GSG1L: variants seen among roughly 807,000 people sequenced by gnomAD.
GSG1L encodes germ cell-specific gene 1-like protein.
In GSG1L, 24 loss-of-function variants were observed where a neutral mutation model predicts 42.1. That is an observed-to-expected ratio of 0.57 (90% CI 0.41 to 0.80). The LOEUF (loss-of-function observed/expected upper bound fraction) is 0.80, where lower values mean the gene tolerates loss of function less well. Ranked by LOEUF, GSG1L falls within the 30% of genes least tolerant of loss-of-function variation. GSG1L has a pLI of 0.00. For synonymous variants in GSG1L, 215 were observed against 203.5 expected (o/e 1.06, Z -0.48); for missense variants, 445 against 472.2 (o/e 0.94, Z 0.53).
chr16:27,936,389 G>A (rs1427017877), intron 2 of GSG1L, among the ~76,000 whole-genome samples: 2 of 151,970 alleles, frequency 1.3e-5, no homozygotes, highest in Non-Finnish European at 2.9e-5. Flanking sequence ...TGGGACGAGG[G>A]TGGAAGTGAG....
intron 2 of GSG1L, among the ~76,000 whole-genome samples, chr16:27,898,756 CTT>C (rs1340774458): frequency 1.7e-4 from 26 of 151,888 alleles, no homozygotes; most frequent in Non-Finnish European, 3.2e-4. Flanking sequence ...CTCCCTCTCT[CTT>C]GGTACATGTG....
chr16:27,845,187 G>T, intron 3 of GSG1L, 126 bp from the exon 4 acceptor site: 1 of 592,658 alleles, frequency 1.7e-6, no homozygotes, highest in Non-Finnish European at 3.0e-6. Context: ...AGGGACCTCT[G>T]GGTAAGGGAG....
chr16:28,028,509 A>C (rs1379002966), intron 1 of GSG1L, among the ~76,000 whole-genome samples: 3 of 151,900 alleles, frequency 2.0e-5, no homozygotes, highest in African/African-American at 7.3e-5. Context: ...TAACAATATA[A>C]CAATAAGAAT....
intron 1 of GSG1L, among the ~76,000 whole-genome samples, chr16:27,984,265 G>T (rs974385310): frequency 6.6e-6 from 1 of 152,268 alleles, no homozygotes; most frequent in Non-Finnish European, 1.5e-5. Flanking sequence ...AGGTGGGTTT[G>T]CATAGGCCTG....
chr16:27,921,139 T>A (rs1197007407), intron 2 of GSG1L, among the ~76,000 whole-genome samples: 3 of 152,194 alleles, frequency 2.0e-5, no homozygotes, highest in African/African-American at 7.2e-5. Context: ...TCAGGCCTGA[T>A]GGTCAGCTAA....
chr16:27,929,332 G>T (rs1013616792), intron 2 of GSG1L, among the ~76,000 whole-genome samples: 2 of 152,142 alleles, frequency 1.3e-5, no homozygotes, highest in African/African-American at 4.8e-5. Context: ...CCCGGGGATG[G>T]TCACACAACC....
chr16:28,048,342 AT>A (rs1300028263), intron 1 of GSG1L, among the ~76,000 whole-genome samples: 2 of 152,310 alleles, frequency 1.3e-5, no homozygotes, highest in East Asian at 1.9e-4. Context: ...CGAAAAAAAA[AT>A]ATAAGGCAGA....
intron 2 of GSG1L, among the ~76,000 whole-genome samples, chr16:27,892,281 C>T (rs898052084): frequency 1.3e-5 from 2 of 151,846 alleles, no homozygotes; most frequent in African/African-American, 2.4e-5. Flanking sequence ...ATAGGGAGAC[C>T]TCATCTCTAC....
chr16:27,897,262 T>G (rs1237683580), intron 2 of GSG1L, among the ~76,000 whole-genome samples: 8 of 152,126 alleles, frequency 5.3e-5, no homozygotes, highest in Non-Finnish European at 5.9e-5. Context: ...TTGTGGAAAT[T>G]TGTTACATCA....
intron 3 of GSG1L, among the ~76,000 whole-genome samples, chr16:27,857,438 AAAAAG>A (rs2083593084): frequency 6.6e-6 from 1 of 150,994 alleles, no homozygotes; most frequent in Non-Finnish European, 1.5e-5. Context: ...AAAAAAAAAA[AAAAAG>A]AAAGAAAGGC....
chr16:27,959,142 G>T (rs907976945), intron 2 of GSG1L, among the ~76,000 whole-genome samples: 6 of 149,320 alleles, frequency 4.0e-5, no homozygotes, highest in African/African-American at 7.4e-5. Flanking sequence ...GTTGATTGGG[G>T]TTTCCTAGGT....
intron 6 of GSG1L, among the ~76,000 whole-genome samples, chr16:27,802,337 A>G (rs999315701): frequency 3.9e-5 from 6 of 152,166 alleles, no homozygotes; most frequent in Non-Finnish European, 8.8e-5. Flanking sequence ...CACGCATGCC[A>G]GCATCCAGCC....
intron 2 of GSG1L, among the ~76,000 whole-genome samples, chr16:27,919,805 A>T (rs541155336): frequency 6.6e-6 from 1 of 152,228 alleles, no homozygotes; most frequent in Non-Finnish European, 1.5e-5. Context: ...AGTCCATATC[A>T]TTGGATTTTC....
intron 5 of GSG1L, among the ~76,000 whole-genome samples, chr16:27,822,707 C>T (rs899907384): frequency 3.9e-5 from 6 of 152,234 alleles, no homozygotes; most frequent in African/African-American, 1.4e-4. Context: ...CGTGAGCCAC[C>T]GAGCCTGGCC....
chr16:28,057,087 G>A (rs1445234332), intron 1 of GSG1L, among the ~76,000 whole-genome samples: 1 of 152,196 alleles, frequency 6.6e-6, no homozygotes, highest in Non-Finnish European at 1.5e-5. Flanking sequence ...TGTGGGGGCA[G>A]AGAGGAGTGG....
In GSG1L at chr16:27,865,548, TATATATATATATATATATATATATACAC is replaced by T. The variant is rs1181206564; in HGVS notation, c.550+18910_550+18937del. Among the ~76,000 whole-genome samples the T allele has an allele frequency of 2.0e-3, 44 of 21,570 alleles. 2 individuals are homozygous for T. The highest frequency in any genetic ancestry group is 0.015 in the Middle Eastern group (1 of 66). The allele number at this position is 21,570 out of a possible 152,430, so 14.2% of individuals were successfully genotyped here. A position where few individuals can be genotyped will look rare whatever the true frequency, so the allele number is the denominator to read the frequency against. ...CTATATATATATATATATATATATA[TATATATATATATATATATATATATACAC>T]ACACACATACATACATACACACACA... is the stretch of plus-strand genomic sequence containing the variant. On this transcript the variant is annotated intron_variant, in intron 3 of 6. Transcript: ENST00000447459.
At chr16:27,834,483 G>GA (rs35119436) in intron 4 of GSG1L, among the ~76,000 whole-genome samples, 40,005 of 145,890 alleles carry the variant, frequency 0.27, 5,598 homozygotes, top group Admixed American at 0.41. Flanking sequence ...TCTATTTTCT[G>GA]AAAAAAAAAA....
At chr16:28,041,505 A>C (rs1266951528) in intron 1 of GSG1L, among the ~76,000 whole-genome samples, 1 of 152,186 alleles carries the variant, frequency 6.6e-6, no homozygotes, top group African/African-American at 2.4e-5. Context: ...TATAATTCTA[A>C]TGTACATCCA....
At chr16:28,006,395 G>GC (rs907857012) in intron 1 of GSG1L, among the ~76,000 whole-genome samples, 9 of 150,282 alleles carry the variant, frequency 6.0e-5, no homozygotes, top group Non-Finnish European at 8.9e-5. Flanking sequence ...TGCAACCTCT[G>GC]CCTCCCGGGT....
Sources: allele counts gnomAD v4.1 joint callset (sites outside exome capture counted in the v4.1 genomes callset), GRCh38; gene constraint gnomAD v4.1.1; transcripts MANE v1.5; gene names NCBI Gene and HGNC (gene_info 2026-07-23, HGNC 2026-07-21).